DENND6A: variants seen among roughly 807,000 people sequenced by gnomAD.
The protein encoded by DENND6A is DENN domain containing 6A.
A neutral mutation model predicts 95.5 loss-of-function variants in DENND6A; 43 were observed. That is an observed-to-expected ratio of 0.45 (90% confidence interval 0.35 to 0.58). The LOEUF is 0.58. Among genes scored for constraint, DENND6A ranks in the 20% least tolerant of loss-of-function variants. The pLI is 0.00. For missense variants in DENND6A, 574 were observed against 736.0 expected (o/e 0.78, Z 2.55); for synonymous variants, 257 against 260.4 (o/e 0.99, Z 0.13).
intron 1 of DENND6A, among the ~76,000 whole-genome samples, chr3:57,674,419 T>G (rs1575859166): frequency 6.9e-6 from 1 of 144,254 alleles, no homozygotes; most frequent in Non-Finnish European, 1.5e-5. Flanking sequence ...GATCACAAGG[T>G]CAGGAGTTCA....
chr3:57,674,629 C>T (rs923341326), intron 1 of DENND6A, among the ~76,000 whole-genome samples: 4 of 152,154 alleles, frequency 2.6e-5, no homozygotes, highest in Non-Finnish European at 5.9e-5. Flanking sequence ...CAGAGCAAGA[C>T]TCTTATCTCA....
intron 9 of DENND6A, among the ~76,000 whole-genome samples, chr3:57,651,710 C>T (rs539040656): frequency 6.6e-6 from 1 of 151,748 alleles, no homozygotes; most frequent in African/African-American, 2.4e-5. Flanking sequence ...AAGATAAACC[C>T]GGAATATCTC....
At chr3:57,667,969 G>A (rs992305619) in intron 3 of DENND6A, among the ~76,000 whole-genome samples, 4 of 152,042 alleles carry the variant, frequency 2.6e-5, no homozygotes, top group African/African-American at 9.7e-5. Flanking sequence ...AGGAGGCTGA[G>A]GCAGGAGAAT....
At chr3:57,670,538 T>C (rs769418927) in intron 3 of DENND6A, among the ~76,000 whole-genome samples, 2 of 152,198 alleles carry the variant, frequency 1.3e-5, no homozygotes, top group Non-Finnish European at 2.9e-5. Context: ...ATTCAGAATT[T>C]TCTCCTCTTC....
intron 1 of DENND6A, among the ~76,000 whole-genome samples, chr3:57,684,145 C>T (rs1489503381): frequency 5.4e-5 from 5 of 92,038 alleles, no homozygotes; most frequent in African/African-American, 2.2e-4. Context: ...GAGTGAGACT[C>T]CGTCTCAAAA....
intron 11 of DENND6A, among the ~76,000 whole-genome samples, chr3:57,644,453 A>C (rs1396111098): frequency 6.6e-6 from 1 of 151,170 alleles, no homozygotes; most frequent in East Asian, 2.0e-4. Context: ...CTACAGATGC[A>C]TGCCACCACA....
intron 4 of DENND6A, chr3:57,665,885 C>T: frequency 2.7e-6 from 1 of 374,578 alleles, no homozygotes. Context: ...ATTACCTCAA[C>T]ATTCTAATCC....
intron 9 of DENND6A, among the ~76,000 whole-genome samples, chr3:57,652,424 C>T (rs986282793): frequency 1.3e-5 from 2 of 152,098 alleles, no homozygotes; most frequent in African/African-American, 2.4e-5. Context: ...CTCCTATGTC[C>T]AACTGACTGA....
chr3:57,669,223 A>G (rs183019290), intron 3 of DENND6A, among the ~76,000 whole-genome samples: 1 of 152,288 alleles, frequency 6.6e-6, no homozygotes, highest in East Asian at 1.9e-4. Context: ...ATGGATAACT[A>G]CAACTGAAAA....
intron 9 of DENND6A, among the ~76,000 whole-genome samples, chr3:57,648,036 T>G (rs138894711): frequency 2.0e-5 from 3 of 151,872 alleles, no homozygotes; most frequent in African/African-American, 4.8e-5. Flanking sequence ...GAGAAAGAAA[T>G]AAAGAGCATG....
At position 57,639,331 on chromosome 3, in the gene DENND6A, G is replaced by T. The variant is rs114832195; in HGVS notation, c.1132+2322C>A. Reference sequence around the variant, plus strand: ...TGCTGGTAAGAATGTAAACTGATGGGCCACTTTGGCAAACAGTTTGGTGAT... The same window carrying T: ...TGCTGGTAAGAATGTAAACTGATGGTCCACTTTGGCAAACAGTTTGGTGAT... On this transcript the variant is annotated intron_variant, in intron 12 of 19. Coordinates refer to ENST00000311128, the MANE Select transcript of DENND6A (RefSeq NM_152678.3). Among the ~76,000 whole-genome samples, 481 of 152,250 alleles carry T rather than the reference G, an allele frequency of 3.2e-3. 2 individuals are homozygous for T. The highest frequency in any genetic ancestry group is 0.011 in the African/African-American group (451 of 41,544).
At chr3:57,682,550 T>A (rs775363118) in intron 1 of DENND6A, among the ~76,000 whole-genome samples, 5 of 152,176 alleles carry the variant, frequency 3.3e-5, no homozygotes, top group Admixed American at 1.3e-4. Context: ...CAATAAATAT[T>A]GTGTATAATT....
At chr3:57,635,411 A>C (rs2070770858) in intron 12 of DENND6A, among the ~76,000 whole-genome samples, 1 of 152,120 alleles carries the variant, frequency 6.6e-6, no homozygotes. Flanking sequence ...GAAAGCTAAC[A>C]CCTAAACAAC....
intron 1 of DENND6A, among the ~76,000 whole-genome samples, chr3:57,686,997 T>C (rs1444760977): frequency 6.6e-6 from 1 of 152,168 alleles, no homozygotes; most frequent in African/African-American, 2.4e-5. Flanking sequence ...AACAGCCAAC[T>C]TGTGAATGCA....
At chr3:57,680,914 A>T (rs1169622330) in intron 1 of DENND6A, among the ~76,000 whole-genome samples, 1 of 152,190 alleles carries the variant, frequency 6.6e-6, no homozygotes, top group Non-Finnish European at 1.5e-5. Context: ...AAGAGTTGAT[A>T]AGGATGCAGA....
chr3:57,655,183 C>T (rs114882277), intron 9 of DENND6A, among the ~76,000 whole-genome samples: 1,991 of 152,144 alleles, frequency 0.013, 48 homozygotes, highest in African/African-American at 0.045. Context: ...ACAGGCGGCC[C>T]GCCACCATGC....
At chr3:57,655,177 G>A (rs2071299332) in intron 9 of DENND6A, among the ~76,000 whole-genome samples, 1 of 152,112 alleles carries the variant, frequency 6.6e-6, no homozygotes, top group African/African-American at 2.4e-5. Context: ...GAGATTACAG[G>A]CGGCCCGCCA....
chr3:57,641,139 C>G (rs2070920931), intron 12 of DENND6A, among the ~76,000 whole-genome samples: 1 of 145,726 alleles, frequency 6.9e-6, no homozygotes, highest in South Asian at 2.1e-4. Flanking sequence ...ATAGAAAGTT[C>G]TGTTTTATTG....
chr3:57,665,148 T>C (rs1447248849), intron 4 of DENND6A, among the ~76,000 whole-genome samples: 1 of 150,358 alleles, frequency 6.7e-6, no homozygotes, highest in Non-Finnish European at 1.5e-5. Context: ...GAAACTTTGA[T>C]GATGAAGTTC....
Sources: gnomAD v4.1 joint callset for allele counts (sites outside exome capture counted in the v4.1 genomes callset) on GRCh38, gnomAD v4.1.1 for gene constraint, MANE v1.5 for transcripts, NCBI Gene and HGNC (gene_info 2026-07-23, HGNC 2026-07-21) for gene names.